Variants in SYNE1 observed in about 807,000 individuals in gnomAD.
SYNE1 encodes the protein nesprin-1.
A neutral mutation model predicts 1,111.0 loss-of-function variants in SYNE1; 616 were observed. That is an observed-to-expected ratio of 0.55 (90% CI 0.52 to 0.59). SYNE1 has a LOEUF of 0.59. SYNE1 is among the 20% of genes least tolerant of loss of function. The probability of loss-of-function intolerance (pLI) is 0.00; values close to 1 mark genes in which losing one functional copy is unlikely to be tolerated. For synonymous variants in SYNE1, 3,855 were observed against 3,825.8 expected (o/e 1.01, Z -0.28); for missense variants, 10,006 against 10,417.0 (o/e 0.96, Z 1.72).
chr6:152,276,195 C>A (rs1191674745), intron 98 of SYNE1, among the ~76,000 whole-genome samples: 1 of 151,756 alleles, frequency 6.6e-6, no homozygotes, highest in African/African-American at 2.4e-5. Flanking sequence ...CCACCACACC[C>A]GGCTAATTTT....
intron 99 of SYNE1, 104 bp from the exon 100 acceptor site, chr6:152,268,269 C>A (rs1422847034): frequency 3.0e-5 from 27 of 895,718 alleles, no homozygotes; most frequent in Non-Finnish European, 4.8e-5. Flanking sequence ...CGGTAGTGAG[C>A]TTTTAAGTTT....
At chr6:152,462,956 T>C in intron 19 of SYNE1, 66 bp from the exon 20 acceptor site, 2 of 1,553,012 alleles carry the variant, frequency 1.3e-6, no homozygotes, top group Non-Finnish European at 1.8e-6. Context: ...GAACCACAAC[T>C]TTCACTTTCA....
At chr6:152,473,973 C>T (rs2098821160) in intron 14 of SYNE1, among the ~76,000 whole-genome samples, 1 of 152,096 alleles carries the variant, frequency 6.6e-6, no homozygotes. Context: ...ATCACGAGGT[C>T]AGGAGTTCGA....
intron 125 of SYNE1, among the ~76,000 whole-genome samples, chr6:152,207,137 A>G (rs971253289): frequency 3.3e-5 from 5 of 152,264 alleles, no homozygotes; most frequent in South Asian, 2.1e-4. Context: ...GGGAGATTAG[A>G]TAAGGGGATG....
intron 143 of SYNE1, among the ~76,000 whole-genome samples, chr6:152,132,585 C>T (rs187418895): frequency 3.1e-4 from 47 of 152,352 alleles, no homozygotes; most frequent in African/African-American, 1.1e-3. Context: ...GAAGTCAATA[C>T]ATTCCAGTTG....
intron 100 of SYNE1, 126 bp from the exon 101 acceptor site, chr6:152,262,314 C>G (rs914614476): frequency 8.0e-6 from 7 of 872,864 alleles, no homozygotes; most frequent in Non-Finnish European, 1.3e-5. Flanking sequence ...TTAGCTTACA[C>G]TTTAAAAATA....
intron 74 of SYNE1, among the ~76,000 whole-genome samples, chr6:152,343,723 A>C (rs532517843): frequency 6.6e-6 from 1 of 151,680 alleles, no homozygotes; most frequent in East Asian, 2.0e-4. Flanking sequence ...GCACGTCACC[A>C]TGCCCAGCTA....
At chr6:152,124,525 T>C (rs897500870) in intron 145 of SYNE1, among the ~76,000 whole-genome samples, 28 of 152,194 alleles carry the variant, frequency 1.8e-4, no homozygotes, top group Admixed American at 2.6e-4. Context: ...CAAATTAGCA[T>C]AGATGGTCTT....
At chr6:152,526,251 G>A in intron 4 of SYNE1, 76 bp from the exon 5 acceptor site, 1 of 1,432,396 alleles carries the variant, frequency 7.0e-7, no homozygotes, top group Admixed American at 1.7e-5. Context: ...TCTCACCTTT[G>A]TTACTTATGG....
intron 127 of SYNE1, among the ~76,000 whole-genome samples, chr6:152,200,930 T>C (rs533744047): frequency 6.6e-6 from 1 of 152,332 alleles, no homozygotes; most frequent in African/African-American, 2.4e-5. Flanking sequence ...TCATGATTTC[T>C]AGACCTCTTT....
rs771572017 is a variant in SYNE1, at chr6:152,350,742, T to C, written c.11609A>G (p.Glu3870Gly). ...KSLQQTVLSH[E>G]PSVKSVREKG... The stretch of plus-strand genomic sequence containing the variant: ...CTCTCTCACTGACTTTACTGATGGT[T>C]CATGGGACAGCACCGTTTGTTGAAG... Residue 3870 changes from glutamate to glycine, a missense_variant, in exon 71 of 146, where the codon GAA (glutamate) becomes GGA (glycine). Around this residue, in one of 7 missense-constraint regions of SYNE1, gnomAD observed 4,955 missense variants for 5,017.2 expected, o/e 0.99. Coordinates refer to ENST00000367255, the MANE Select transcript of SYNE1 (RefSeq NM_182961.4). 4 of 1,613,738 alleles carry C rather than the reference T, an allele frequency of 2.5e-6. 1 individual carries two copies. The Admixed American group carries it at 6.7e-5, about 27-fold the overall frequency.
intron 131 of SYNE1, among the ~76,000 whole-genome samples, chr6:152,162,056 C>T (rs936049477): frequency 2.0e-5 from 3 of 152,192 alleles, no homozygotes; most frequent in Non-Finnish European, 4.4e-5. Context: ...AGAGAGTAAT[C>T]ATCTGATCTT....
At chr6:152,477,768 A>C (rs967232944) in intron 14 of SYNE1, among the ~76,000 whole-genome samples, 6 of 152,154 alleles carry the variant, frequency 3.9e-5, no homozygotes, top group African/African-American at 1.4e-4. Flanking sequence ...TGTTGAAAGA[A>C]TAGGGAAGAC....
In SYNE1 at chr6:152,318,099, C is replaced by A. The variant is rs2095781108; in HGVS notation, c.16554G>T (p.Arg5518=). ...HQQTIRQAEN[R]LSKLNQAASH... Reference sequence around the variant, plus strand: ...CACATACCTGATTGAGCTTGGAGAGCCGATTCTCAGCTTGTCTAATGGTCT... The same window carrying A: ...CACATACCTGATTGAGCTTGGAGAGACGATTCTCAGCTTGTCTAATGGTCT... Residue 5518 remains arginine, a synonymous_variant, in exon 86 of 146, where the codon CGG becomes CGT. Transcript: ENST00000367255. 6.2e-7 allele frequency: 1 copy of A among 1,614,170 alleles called. No individual in the cohort carries two copies. Among genetic ancestry groups the A allele is most frequent in the South Asian group, 1.1e-5 (1 of 91,090 alleles).
At chr6:152,512,900 C>T (rs1315492966) in intron 6 of SYNE1, among the ~76,000 whole-genome samples, 1 of 152,068 alleles carries the variant, frequency 6.6e-6, no homozygotes, top group Admixed American at 6.6e-5. Context: ...TGAAGAATTT[C>T]CAGAAGCCAG....
intron 142 of SYNE1, chr6:152,134,155 AT>A (rs2152727051): frequency 6.5e-6 from 1 of 153,558 alleles, no homozygotes; most frequent in South Asian, 2.0e-4. Context: ...TCACTTAAAT[AT>A]ACTGTACATT....
rs779311425 is a variant in SYNE1, at chr6:152,281,788, T to C, written c.18381+19A>G. The C allele has an allele frequency of 6.2e-7, 1 of 1,613,916 alleles. No individual in the cohort carries two copies. Among genetic ancestry groups the C allele is most frequent in the East Asian group, 2.2e-5 (1 of 44,872 alleles). Reference sequence around the variant, plus strand: ...GTGCTTCATGATGTTGACATATTCCTTTGAGACCATTTTGGTACCTGGCAG... The same window carrying C: ...GTGCTTCATGATGTTGACATATTCCCTTGAGACCATTTTGGTACCTGGCAG... On this transcript the variant is annotated intron_variant, in intron 97 of 145. Transcript: ENST00000367255.
Position 152,446,893 on chromosome 6 carries a change from T to C in SYNE1, c.3669+565A>G, listed in dbSNP as rs531535148. ...TTTCACTGGCCTGCTGATTAAACAC[T>C]GAATATTTTATTATTACTAAGAACC... On this transcript the variant is annotated intron_variant, in intron 29 of 145. Transcript: ENST00000367255. Among the ~76,000 whole-genome samples, 162 of 152,318 alleles carry C rather than the reference T, an allele frequency of 1.1e-3. 2 individuals are homozygous for C. The Middle Eastern group carries it at 0.014, about 13-fold the overall frequency.
At chr6:152,453,317 T>C (rs2098666585) in intron 25 of SYNE1, 1 of 600,186 alleles carries the variant, frequency 1.7e-6, no homozygotes, top group Non-Finnish European at 2.9e-6. Flanking sequence ...TTAAATGTTC[T>C]TGCACCCTGG....
Sources: allele counts gnomAD v4.1 joint callset (sites outside exome capture counted in the v4.1 genomes callset), GRCh38; gene constraint gnomAD v4.1.1; regional missense constraint gnomAD v4.1.1; transcripts MANE v1.5; gene names NCBI Gene and HGNC (gene_info 2026-07-23, HGNC 2026-07-21).